The following PRKG1 variants were observed in gnomAD, a reference collection of about 807,000 sequenced individuals.
The protein encoded by PRKG1 is protein kinase cGMP-dependent 1, also known as cGMP-dependent protein kinase 1.
A neutral mutation model predicts 88.1 loss-of-function variants in PRKG1; 35 were observed. The ratio of observed to expected loss-of-function variants is 0.40; its 90% CI spans 0.30 to 0.53. The LOEUF (loss-of-function observed/expected upper bound fraction) is 0.53, where lower values mean the gene tolerates loss of function less well. Ranked by LOEUF, PRKG1 falls within the 20% of genes least tolerant of loss-of-function variation. The probability of loss-of-function intolerance (pLI) is 0.59; values close to 1 mark genes in which losing one functional copy is unlikely to be tolerated. For missense variants in PRKG1, 540 were observed against 839.8 expected (o/e 0.64, Z 4.41); for synonymous variants, 303 against 292.5 (o/e 1.04, Z -0.37).
At chr10:51,204,287 A>G (rs1000863122) in intron 2 of PRKG1, among the ~76,000 whole-genome samples, 1 of 152,026 alleles carries the variant, frequency 6.6e-6, no homozygotes, top group South Asian at 2.1e-4. Context: ...CCTGAAAATG[A>G]TGGGAAGATG....
chr10:51,946,574 TC>T (rs1446387882), intron 5 of PRKG1, among the ~76,000 whole-genome samples: 2 of 152,072 alleles, frequency 1.3e-5, no homozygotes, highest in African/African-American at 4.8e-5. Context: ...CTCTGTTTTT[TC>T]CCCATCTTTG....
At chr10:51,951,371 C>G (rs1159366752) in intron 5 of PRKG1, among the ~76,000 whole-genome samples, 1 of 152,138 alleles carries the variant, frequency 6.6e-6, no homozygotes, top group African/African-American at 2.4e-5. Context: ...CACAGCCAAC[C>G]CACATGTAAT....
At chr10:51,325,698 T>A (rs1841573048) in intron 2 of PRKG1, among the ~76,000 whole-genome samples, 1 of 152,228 alleles carries the variant, frequency 6.6e-6, no homozygotes, top group Non-Finnish European at 1.5e-5. Flanking sequence ...CAGGCCAATG[T>A]CCTATAACGT....
At position 51,278,608 on chromosome 10, in the gene PRKG1, A is replaced by G. The variant is rs192341084; in HGVS notation, c.478+125278A>G. Among the ~76,000 whole-genome samples the G allele has an allele frequency of 6.6e-5, 10 of 152,266 alleles. No homozygotes were observed. The South Asian group carries it at 2.1e-3, about 32-fold the overall frequency. On this transcript the variant is annotated intron_variant, in intron 2 of 17. Transcript: ENST00000373980. ...CTGGACTTTTTTTGGTTGGTAGGCTATTAACTATTGCCTCAATTTCAGACC... is the reference window on the plus strand; with the variant it reads ...CTGGACTTTTTTTGGTTGGTAGGCTGTTAACTATTGCCTCAATTTCAGACC...
intron 5 of PRKG1, among the ~76,000 whole-genome samples, chr10:51,913,538 C>T (rs1242193376): frequency 6.6e-6 from 1 of 152,126 alleles, no homozygotes; most frequent in African/African-American, 2.4e-5. Context: ...TGAATCACTC[C>T]TTCTTCAAGA....
intron 2 of PRKG1, among the ~76,000 whole-genome samples, chr10:51,462,215 C>T (rs1839766382): frequency 6.6e-6 from 1 of 152,070 alleles, no homozygotes; most frequent in African/African-American, 2.4e-5. Flanking sequence ...CACCTGGTTC[C>T]CTTTAATAGT....
At chr10:51,619,671 C>A (rs570893492) in intron 3 of PRKG1, among the ~76,000 whole-genome samples, 6 of 152,078 alleles carry the variant, frequency 3.9e-5, no homozygotes, top group Non-Finnish European at 5.9e-5. Context: ...ACAGCTAAAC[C>A]CTTCTGTGCA....
chr10:51,739,340 A>C (rs1275824877), intron 3 of PRKG1, among the ~76,000 whole-genome samples: 1 of 152,152 alleles, frequency 6.6e-6, no homozygotes, highest in East Asian at 1.9e-4. Flanking sequence ...TCCTAATGTC[A>C]AACCTAACAG....
intron 9 of PRKG1, among the ~76,000 whole-genome samples, chr10:52,217,282 G>A (rs148872502): frequency 2.6e-5 from 4 of 152,134 alleles, no homozygotes; most frequent in African/African-American, 9.6e-5. Context: ...AGAGGCTAGA[G>A]TTATCCTGAG....
intron 2 of PRKG1, among the ~76,000 whole-genome samples, chr10:51,317,346 G>GA (rs1841347976): frequency 1.3e-5 from 2 of 152,090 alleles, no homozygotes; most frequent in Non-Finnish European, 2.9e-5. Context: ...ATTCAAGTGA[G>GA]AAAAATATAA....
intron 3 of PRKG1, among the ~76,000 whole-genome samples, chr10:51,542,655 G>A (rs976065383): frequency 8.9e-5 from 10 of 112,578 alleles, no homozygotes; most frequent in Non-Finnish European, 1.2e-4. Flanking sequence ...GTTTGTTTCC[G>A]GGCTTGTGTT....
At chr10:51,515,079 T>C (rs1468385445) in intron 3 of PRKG1, among the ~76,000 whole-genome samples, 1 of 152,194 alleles carries the variant, frequency 6.6e-6, no homozygotes, top group African/African-American at 2.4e-5. Context: ...ACTGACACCC[T>C]GCCTCCCATG....
At chr10:51,481,572 C>T (rs1236761410) in intron 3 of PRKG1, among the ~76,000 whole-genome samples, 2 of 152,068 alleles carry the variant, frequency 1.3e-5, no homozygotes, top group Admixed American at 1.3e-4. Flanking sequence ...CAATAGAATA[C>T]ATTATTTTAG....
chr10:51,513,961 T>A, intron 3 of PRKG1, among the ~76,000 whole-genome samples: 1 of 139,606 alleles, frequency 7.2e-6, no homozygotes, highest in African/African-American at 2.8e-5. Context: ...ACAAACACAT[T>A]CAAAAGCTAG....
chr10:51,730,041 T>A (rs1236422659), intron 3 of PRKG1, among the ~76,000 whole-genome samples: 1 of 152,166 alleles, frequency 6.6e-6, no homozygotes, highest in Non-Finnish European at 1.5e-5. Context: ...TAGTTTACAT[T>A]AGGGTTCACT....
chr10:52,282,567 A>G lies in PRKG1; in HGVS notation c.1709+251A>G, dbSNP rs193199056. 5.0e-4 allele frequency among the ~76,000 whole-genome samples: 76 copies of G among 152,210 alleles called. No homozygotes were observed. In the East Asian group the frequency reaches 0.012, roughly 24 times the overall value. ...TCTTTTTTACATATGTGAATGTGGA[A>G]GGATATAATGTCCTTCTGTGAGCTA... On this transcript the variant is annotated intron_variant, in intron 14 of 17. Transcript: ENST00000373980.
chr10:51,356,289 T>C (rs556208064), intron 2 of PRKG1, among the ~76,000 whole-genome samples: 1 of 152,116 alleles, frequency 6.6e-6, no homozygotes, highest in East Asian at 1.9e-4. Context: ...TGGAACCAGT[T>C]TGTAATGTCA....
intron 9 of PRKG1, among the ~76,000 whole-genome samples, chr10:52,205,046 G>T (rs11001183): frequency 0.21 from 32,148 of 151,916 alleles, 3,794 homozygotes; most frequent in Middle Eastern, 0.28. Flanking sequence ...GCCTTATGCA[G>T]ATGTAGATAG....
At position 51,341,636 on chromosome 10, in the gene PRKG1, C is replaced by T. The variant is rs2132548286; in HGVS notation, c.479-126087C>T. Among the ~76,000 whole-genome samples, 3 of 152,280 alleles carry T rather than the reference C, an allele frequency of 2.0e-5. 1 individual carries two copies. Among genetic ancestry groups the T allele is most frequent in the Admixed American group, 2.0e-4 (3 of 15,292 alleles). On this transcript the variant is annotated intron_variant, in intron 2 of 17. Transcript: ENST00000373980. ...TGATTTAATGTGGTACATTTCTTCT[C>T]CTGGCACTTGATATTTGATAGGAAG...
Sources: allele counts gnomAD v4.1 joint callset (sites outside exome capture counted in the v4.1 genomes callset), GRCh38; gene constraint gnomAD v4.1.1; transcripts MANE v1.5; gene names NCBI Gene and HGNC (gene_info 2026-07-23, HGNC 2026-07-21).